ZNF609: variants seen among roughly 807,000 people sequenced by gnomAD.
ZNF609 encodes the protein zinc finger protein 609.
ZNF609 carries 11 observed loss-of-function variants against 109.5 expected under a neutral mutation model. That is an observed-to-expected ratio of 0.10 (90% CI 0.06 to 0.17). The LOEUF (loss-of-function observed/expected upper bound fraction) is 0.17. Among genes scored for constraint, ZNF609 ranks in the 10% least tolerant of loss-of-function variants. ZNF609 has a pLI of 1.00. For synonymous variants in ZNF609, 646 were observed against 662.0 expected (o/e 0.98, Z 0.37); for missense variants, 1,559 against 1,772.4 (o/e 0.88, Z 2.16).
chr15:64,523,530 C>T (rs1429426591), intron 2 of ZNF609, among the ~76,000 whole-genome samples: 2 of 152,106 alleles, frequency 1.3e-5, no homozygotes, highest in African/African-American at 4.8e-5. Flanking sequence ...AATCCCAGCA[C>T]TTCGGGAGGC....
rs544643919 is a variant in ZNF609, at chr15:64,680,658, ACTT to A, written c.3961_3963del (p.Ser1321del). On this transcript the variant is annotated inframe_deletion, in exon 8 of 10. Coordinates refer to ENST00000326648, the MANE Select transcript of ZNF609 (RefSeq NM_015042.2). Reference sequence around the variant, plus strand: ...GTTTCCTTTCCAGATAAGTGATAAAACTTCTCAGGAGAGAGATCGAGGAGGCTG... The same window carrying A: ...GTTTCCTTTCCAGATAAGTGATAAAACTCAGGAGAGAGATCGAGGAGGCTG... 4.0e-3 allele frequency: 6,441 copies of A among 1,591,230 alleles called. 21 individuals are homozygous for A. Among genetic ancestry groups the A allele is most frequent in the Non-Finnish European group, 4.2e-3 (4,966 of 1,168,906 alleles).
At chr15:64,493,942 T>G (rs1349914280) in intron 1 of ZNF609, among the ~76,000 whole-genome samples, 3 of 152,236 alleles carry the variant, frequency 2.0e-5, no homozygotes, top group African/African-American at 7.2e-5. Context: ...GTGGTTTGGC[T>G]GCTGCAGCCA....
intron 2 of ZNF609, among the ~76,000 whole-genome samples, chr15:64,547,791 A>C (rs1894392032): frequency 6.6e-6 from 1 of 152,160 alleles, no homozygotes; most frequent in African/African-American, 2.4e-5. Flanking sequence ...ATTACATTCT[A>C]GTGGGGGGAA....
intron 8 of ZNF609, 48 bp from the exon 9 acceptor site, chr15:64,681,256 TTAATG>T (rs2083205772): frequency 2.6e-6 from 4 of 1,539,958 alleles, no homozygotes; most frequent in Non-Finnish European, 2.7e-6. Context: ...GGGAAAAAGA[TTAATG>T]GAAGGTTTCT....
At chr15:64,519,578 G>T (rs1893862249) in intron 2 of ZNF609, among the ~76,000 whole-genome samples, 2 of 152,132 alleles carry the variant, frequency 1.3e-5, no homozygotes, top group South Asian at 4.1e-4. Flanking sequence ...TGGTTTTATT[G>T]GATTGAGGCA....
At chr15:64,669,300 G>T (rs962120735) in intron 3 of ZNF609, among the ~76,000 whole-genome samples, 6 of 152,162 alleles carry the variant, frequency 3.9e-5, no homozygotes, top group African/African-American at 1.4e-4. Context: ...AATAGCAGAA[G>T]ATTGAAACAA....
At position 64,598,756 on chromosome 15, in the gene ZNF609, A is replaced by G. The variant is rs1450368613; in HGVS notation, c.748-24071A>G. Among the ~76,000 whole-genome samples the G allele has an allele frequency of 1.5e-3, 181 of 120,436 alleles. 1 individual carries two copies. The highest frequency in any genetic ancestry group is 1.7e-3 in the Non-Finnish European group (91 of 54,294). The allele number at this position is 120,436 out of a possible 152,430, so 79.0% of individuals were successfully genotyped here. A position where few individuals can be genotyped will look rare whatever the true frequency, so the allele number is the denominator to read the frequency against. ...TCTTTGTGTGTGTATATATATATAT[A>G]TATATATATATATATATATATATAT... On this transcript the variant is annotated intron_variant, in intron 2 of 9. Transcript: ENST00000326648.
At chr15:64,497,378 C>A (rs1314518355) in intron 1 of ZNF609, among the ~76,000 whole-genome samples, 1 of 152,196 alleles carries the variant, frequency 6.6e-6, no homozygotes, top group South Asian at 2.1e-4. Context: ...ATTCCTGTTG[C>A]TAGCAGGCAT....
intron 2 of ZNF609, among the ~76,000 whole-genome samples, chr15:64,580,292 C>A (rs1056491038): frequency 6.6e-6 from 1 of 152,150 alleles, no homozygotes; most frequent in Non-Finnish European, 1.5e-5. Flanking sequence ...TCAGAGAGAA[C>A]CATTTTAGAC....
chr15:64,627,663 C>CTTTTTTTTTTTTTTTTTTTTTTT (rs35293725), intron 3 of ZNF609, among the ~76,000 whole-genome samples: 1 of 86,012 alleles, frequency 1.2e-5, no homozygotes. Flanking sequence ...TTTTTTCTTT[C>CTTTTTTTTTTTTTTTTTTTTTTT]TTTTTTTTTT....
intron 1 of ZNF609, among the ~76,000 whole-genome samples, chr15:64,495,639 C>A (rs900154249): frequency 3.3e-5 from 5 of 151,854 alleles, no homozygotes; most frequent in Admixed American, 3.3e-4. Context: ...GATCCTCAAG[C>A]GATCCACCCA....
At chr15:64,459,894 A>T (rs191375346), upstream of ZNF609, among the ~76,000 whole-genome samples, 2 of 152,252 alleles carry the variant, frequency 1.3e-5, no homozygotes, top group Non-Finnish European at 2.9e-5. Flanking sequence ...AAAAGCTACA[A>T]TCCTTAGAAT....
At chr15:64,512,709 T>G (rs1893751328) in intron 2 of ZNF609, among the ~76,000 whole-genome samples, 1 of 152,150 alleles carries the variant, frequency 6.6e-6, no homozygotes, top group African/African-American at 2.4e-5. Context: ...ATTAATGTTT[T>G]GGGGTATAAA....
intron 3 of ZNF609, among the ~76,000 whole-genome samples, chr15:64,648,493 A>G (rs759653586): frequency 6.6e-6 from 1 of 152,142 alleles, no homozygotes; most frequent in Non-Finnish European, 1.5e-5. Context: ...CTTAACCTCA[A>G]ACAAAACAAA....
chr15:64,603,841 T>TA (rs574765248), intron 2 of ZNF609, among the ~76,000 whole-genome samples: 2,233 of 148,272 alleles, frequency 0.015, 23 homozygotes, highest in Middle Eastern at 0.034. Flanking sequence ...TTACTAAAAA[T>TA]AAAAAAAAAT....
intron 3 of ZNF609, among the ~76,000 whole-genome samples, chr15:64,644,012 G>C (rs1366268352): frequency 6.6e-6 from 1 of 152,084 alleles, no homozygotes; most frequent in Non-Finnish European, 1.5e-5. Context: ...ACTGAGGTGG[G>C]AGGATCACTT....
At chr15:64,491,025 C>T (rs1893405608) in intron 1 of ZNF609, among the ~76,000 whole-genome samples, 2 of 152,198 alleles carry the variant, frequency 1.3e-5, no homozygotes, top group Admixed American at 6.5e-5. Flanking sequence ...TTGGATCTGT[C>T]TTCTCAAATT....
intron 2 of ZNF609, among the ~76,000 whole-genome samples, chr15:64,591,587 T>C (rs750011923): frequency 2.6e-5 from 4 of 151,796 alleles, no homozygotes; most frequent in Non-Finnish European, 5.9e-5. Flanking sequence ...GGTGCAAAGA[T>C]ATTTCTCTCA....
chr15:64,563,227 A>G (rs192349520), intron 2 of ZNF609, among the ~76,000 whole-genome samples: 2 of 152,130 alleles, frequency 1.3e-5, no homozygotes, highest in Admixed American at 1.3e-4. Context: ...AGGTAGGAGG[A>G]TCACGTGAGC....
Sources: allele counts gnomAD v4.1 joint callset (sites outside exome capture counted in the v4.1 genomes callset), GRCh38; gene constraint gnomAD v4.1.1; transcripts MANE v1.5; gene names NCBI Gene and HGNC (gene_info 2026-07-23, HGNC 2026-07-21).